The following DMD variants were observed in gnomAD, a reference collection of about 807,000 sequenced individuals.
The protein encoded by DMD is mutant dystrophin.
Under a neutral mutation model 330.1 loss-of-function variants are expected in DMD, and 63 were observed. The ratio of observed to expected loss-of-function variants is 0.19; its 90% CI spans 0.16 to 0.24. The LOEUF (loss-of-function observed/expected upper bound fraction) is 0.24. Among genes scored for constraint, DMD ranks in the 10% least tolerant of loss-of-function variants. DMD has a pLI of 1.00. For missense variants in DMD, 3,344 were observed against 2,684.1 expected (o/e 1.25, Z -5.43); for synonymous variants, 1,223 against 959.8 (o/e 1.27, Z -5.07).
intron 30 of DMD, among the ~76,000 whole-genome samples, chrX:32,406,404 C>CTTA (rs2147864248): frequency 9.1e-6 from 1 of 110,210 alleles, no homozygotes; most frequent in East Asian, 2.9e-4. Context: ...ATAGATAGCT[C>CTTA]TTATTATTTT....
intron 43 of DMD, among the ~76,000 whole-genome samples, chrX:32,250,797 T>A (rs2097260518): frequency 8.9e-6 from 1 of 112,173 alleles, no homozygotes; most frequent in Non-Finnish European, 1.9e-5. Context: ...CATACCTCGA[T>A]GGTTTTTGTG....
intron 1 of DMD, among the ~76,000 whole-genome samples, chrX:33,164,575 T>A (rs1487509682): frequency 2.7e-5 from 3 of 112,301 alleles, no homozygotes; most frequent in African/African-American, 9.7e-5. Context: ...TTCAGAGGCA[T>A]AAACTCATTT....
chrX:32,592,778 G>T (rs1004248584), intron 13 of DMD, among the ~76,000 whole-genome samples: 5 of 112,303 alleles, frequency 4.5e-5, no homozygotes, highest in South Asian at 3.7e-4. Flanking sequence ...CTCAAGCCAG[G>T]GTTGTGGCAT....
At chrX:32,714,482 C>T (rs1398063481) in intron 7 of DMD, among the ~76,000 whole-genome samples, 1 of 111,808 alleles carries the variant, frequency 8.9e-6, no homozygotes, top group African/African-American at 3.3e-5. Context: ...ATCCATGTTG[C>T]TGCAAAAGAC....
chrX:32,560,766 C>T (rs988297263), intron 16 of DMD, among the ~76,000 whole-genome samples: 2 of 112,043 alleles, frequency 1.8e-5, no homozygotes, highest in Admixed American at 9.5e-5. Context: ...AAAGGACATA[C>T]TCTCATTCCT....
At chrX:32,042,188 T>TACAC (rs200631060) in intron 44 of DMD, among the ~76,000 whole-genome samples, 7 of 43,940 alleles carry the variant, frequency 1.6e-4, no homozygotes, top group African/African-American at 3.9e-4. Flanking sequence ...TATACATACA[T>TACAC]ATACACACAC....
chrX:31,558,285 C>G (rs1274941248), intron 55 of DMD, among the ~76,000 whole-genome samples: 1 of 111,399 alleles, frequency 9.0e-6, no homozygotes, highest in Non-Finnish European at 1.9e-5. Context: ...ATACATGGAA[C>G]TAGTCTCCAC....
intron 7 of DMD, among the ~76,000 whole-genome samples, chrX:32,801,096 TCAC>T (rs2076531682): frequency 9.0e-6 from 1 of 111,614 alleles, no homozygotes; most frequent in Non-Finnish European, 1.9e-5. Context: ...CCTTGAGCAA[TCAC>T]CACACTGTCT....
intron 44 of DMD, among the ~76,000 whole-genome samples, chrX:31,998,219 C>A (rs967948415): frequency 8.9e-6 from 1 of 112,092 alleles, no homozygotes; most frequent in Non-Finnish European, 1.9e-5. Flanking sequence ...GTTAAAAACA[C>A]AAAAACTATC....
intron 52 of DMD, among the ~76,000 whole-genome samples, chrX:31,709,598 G>A (rs991575641): frequency 9.2e-6 from 1 of 108,712 alleles, no homozygotes; most frequent in Non-Finnish European, 1.9e-5. Context: ...GTGTGTGTGT[G>A]TGTGTGTGTG....
chrX:32,136,292 G>A (rs72626014), intron 44 of DMD, among the ~76,000 whole-genome samples: 3,764 of 112,233 alleles, frequency 0.034, 136 homozygotes, highest in Admixed American at 0.15. Flanking sequence ...GTCCCACCTA[G>A]TATATACCAG....
At position 31,716,826 on chromosome X, in the gene DMD, T is replaced by TACAC. The variant is rs3032284; in HGVS notation, c.7660+12801_7660+12804dup. Among the ~76,000 whole-genome samples the TACAC allele has an allele frequency of 5.5e-3, 531 of 96,443 alleles. 3 individuals carry two copies. Among genetic ancestry groups the TACAC allele is most frequent in the African/African-American group, 0.01 (267 of 26,301 alleles). 83.7% of individuals were successfully genotyped at this position (96,443 alleles called of 115,157 possible). ...ATCTACATGCATGAGTATATAAGAA[T>TACAC]ACACACACACACACACACACACACA... is the stretch of plus-strand genomic sequence containing the variant. On this transcript the variant is annotated intron_variant, in intron 52 of 78. Transcript: ENST00000357033.
chrX:31,845,437 G>A (rs1196705143), intron 48 of DMD, among the ~76,000 whole-genome samples: 33 of 52,951 alleles, frequency 6.2e-4, no homozygotes, highest in African/African-American at 1.4e-3. Flanking sequence ...CTCTCCTCCC[G>A]TCCCTCTCTT....
chrX:31,124,123 G>T (rs139213617), intron 78 of DMD, among the ~76,000 whole-genome samples: 1 of 111,672 alleles, frequency 9.0e-6, no homozygotes. Context: ...TGCACACTCC[G>T]ACAAAAAGTT....
At chrX:32,033,318 A>G (rs186046828) in intron 44 of DMD, among the ~76,000 whole-genome samples, 68 of 110,757 alleles carry the variant, frequency 6.1e-4, no homozygotes, top group Non-Finnish European at 1.3e-4. Context: ...CCAACATTCT[A>G]CCTAGAGTCA....
intron 37 of DMD, 118 bp from the exon 38 acceptor site, chrX:32,348,646 C>T: frequency 3.0e-6 from 2 of 665,339 alleles, no homozygotes; most frequent in Non-Finnish European, 4.4e-6. Flanking sequence ...ATTATGTTTC[C>T]ATATTATGTT....
intron 1 of DMD, among the ~76,000 whole-genome samples, chrX:33,207,470 A>C (rs1039761378): frequency 4.5e-5 from 5 of 111,638 alleles, no homozygotes; most frequent in African/African-American, 1.6e-4. Flanking sequence ...CACAAATAGC[A>C]GAGTTACTCT....
intron 7 of DMD, among the ~76,000 whole-genome samples, chrX:32,736,808 C>A (rs918894183): frequency 7.3e-5 from 8 of 109,125 alleles, no homozygotes; most frequent in Non-Finnish European, 1.1e-4. Flanking sequence ...GGAGATTTAT[C>A]TAATGCTAGA....
chrX:32,674,828 T>TA (rs2061864775), intron 9 of DMD, among the ~76,000 whole-genome samples: 1 of 111,441 alleles, frequency 9.0e-6, no homozygotes, highest in Non-Finnish European at 1.9e-5. Flanking sequence ...GACTTCTCCT[T>TA]AAATCCATAA....
Sources: gnomAD v4.1 joint callset for allele counts (sites outside exome capture counted in the v4.1 genomes callset) on GRCh38, gnomAD v4.1.1 for gene constraint, MANE v1.5 for transcripts, NCBI Gene and HGNC (gene_info 2026-07-23, HGNC 2026-07-21) for gene names.